SEMA5A: variants seen among roughly 807,000 people sequenced by gnomAD.
SEMA5A encodes semaphorin 5A, also known as semaphorin-5A.
SEMA5A carries 55 observed loss-of-function variants against 135.5 expected under a neutral mutation model. That is an observed-to-expected ratio of 0.41 (90% CI 0.33 to 0.51). The LOEUF is 0.51. Among genes scored for constraint, SEMA5A ranks in the 20% least tolerant of loss-of-function variants. The pLI is 0.37. For missense variants in SEMA5A, 1,290 were observed against 1,419.9 expected (o/e 0.91, Z 1.47); for synonymous variants, 580 against 546.5 (o/e 1.06, Z -0.85).
At chr5:9,121,922 A>T (rs921797876) in intron 14 of SEMA5A, among the ~76,000 whole-genome samples, 1 of 152,076 alleles carries the variant, frequency 6.6e-6, no homozygotes, top group Non-Finnish European at 1.5e-5. Flanking sequence ...TGTCCCAGAG[A>T]CTTTTTTTTT....
chr5:9,429,945 G>A (rs1041740257), intron 2 of SEMA5A, among the ~76,000 whole-genome samples: 1 of 152,252 alleles, frequency 6.6e-6, no homozygotes, highest in Non-Finnish European at 1.5e-5. Context: ...TGGTCACTGT[G>A]TGGAGAAAAG....
intron 8 of SEMA5A, among the ~76,000 whole-genome samples, chr5:9,207,177 T>C (rs1403498450): frequency 3.5e-5 from 5 of 143,088 alleles, no homozygotes; most frequent in Non-Finnish European, 7.5e-5. Flanking sequence ...AAATAAGTCA[T>C]ACTGAGTTTT....
At chr5:9,510,773 A>G (rs957307264) in intron 1 of SEMA5A, among the ~76,000 whole-genome samples, 1 of 152,222 alleles carries the variant, frequency 6.6e-6, no homozygotes, top group Non-Finnish European at 1.5e-5. Flanking sequence ...TTACCTCCCA[A>G]TTAGAATTTC....
chr5:9,227,639 C>T (rs1178798468), intron 6 of SEMA5A, among the ~76,000 whole-genome samples: 2 of 150,950 alleles, frequency 1.3e-5, no homozygotes, highest in African/African-American at 4.9e-5. Flanking sequence ...CAAGCTCTGC[C>T]TCCCAGGTTC....
At chr5:9,453,296 C>A (rs150681381) in intron 1 of SEMA5A, among the ~76,000 whole-genome samples, 84 of 152,306 alleles carry the variant, frequency 5.5e-4, no homozygotes, top group African/African-American at 1.9e-3. Context: ...AGTCTCCTGA[C>A]AACAGGCATT....
chr5:9,044,329 TA>T (rs1198607118), intron 22 of SEMA5A, 43 bp downstream of exon 22: 1 of 1,524,140 alleles, frequency 6.6e-7, no homozygotes, highest in South Asian at 1.1e-5. Flanking sequence ...CTACAAGTGT[TA>T]AGGAAAACCA....
At chr5:9,205,504 A>T (rs1745965825) in intron 8 of SEMA5A, among the ~76,000 whole-genome samples, 1 of 152,132 alleles carries the variant, frequency 6.6e-6, no homozygotes, top group African/African-American at 2.4e-5. Context: ...AGCAAACCAC[A>T]TCCACTTTTG....
intron 3 of SEMA5A, among the ~76,000 whole-genome samples, chr5:9,349,858 C>T (rs1365056504): frequency 4.0e-5 from 6 of 151,884 alleles, no homozygotes; most frequent in South Asian, 2.1e-4. Flanking sequence ...GCCGAGATTG[C>T]GCCACTGCAC....
chr5:9,206,271 G>GT (rs1479487053), intron 8 of SEMA5A, among the ~76,000 whole-genome samples: 1 of 152,090 alleles, frequency 6.6e-6, no homozygotes, highest in Non-Finnish European at 1.5e-5. Context: ...TGGAGAAACT[G>GT]TTTTTTCTAA....
chr5:9,439,239 T>C (rs150379907), intron 1 of SEMA5A, among the ~76,000 whole-genome samples: 3 of 152,298 alleles, frequency 2.0e-5, no homozygotes, highest in African/African-American at 4.8e-5. Flanking sequence ...GTCTCAGAAA[T>C]ATTCCTCAGA....
chr5:9,258,900 T>TGA (rs1415761046), intron 5 of SEMA5A, among the ~76,000 whole-genome samples: 1 of 136,960 alleles, frequency 7.3e-6, no homozygotes, highest in African/African-American at 2.7e-5. Flanking sequence ...CTGGAACCTC[T>TGA]GCCTCCTGGG....
At chr5:9,286,025 CA>C (rs1750777662) in intron 5 of SEMA5A, among the ~76,000 whole-genome samples, 1 of 152,066 alleles carries the variant, frequency 6.6e-6, no homozygotes, top group Admixed American at 6.5e-5. Context: ...TACATAGGTA[CA>C]ACTATAATAT....
At chr5:9,335,421 G>A (rs1753345654) in intron 4 of SEMA5A, among the ~76,000 whole-genome samples, 1 of 152,176 alleles carries the variant, frequency 6.6e-6, no homozygotes, top group African/African-American at 2.4e-5. Flanking sequence ...CATCCCTTAG[G>A]AAAATCTTGA....
chr5:9,324,923 T>A (rs957628032), intron 4 of SEMA5A, among the ~76,000 whole-genome samples: 5 of 152,212 alleles, frequency 3.3e-5, no homozygotes, highest in Non-Finnish European at 5.9e-5. Flanking sequence ...AGGGTCAGTC[T>A]CCCTAACAGG....
chr5:9,060,434 A>G lies in SEMA5A; in HGVS notation c.2518+2453T>C, dbSNP rs1737122236. On this transcript the variant is annotated intron_variant, in intron 18 of 22. Coordinates refer to ENST00000382496, the MANE Select transcript of SEMA5A (RefSeq NM_003966.3). ...AGGATAGGGTCTGGAGCCCAGGGAGACAAGGGTGGGTGGAGGGACCCTGAC... is the reference window on the plus strand; with the variant it reads ...AGGATAGGGTCTGGAGCCCAGGGAGGCAAGGGTGGGTGGAGGGACCCTGAC... Among the ~76,000 whole-genome samples, 2 of 152,114 alleles carry G rather than the reference A, an allele frequency of 1.3e-5. 1 individual carries two copies. Among genetic ancestry groups the G allele is most frequent in the South Asian group, 4.1e-4 (2 of 4,826 alleles).
intron 5 of SEMA5A, among the ~76,000 whole-genome samples, chr5:9,305,728 T>TATGTATATATATATATATATA (rs1287444762): frequency 7.6e-4 from 72 of 94,990 alleles, no homozygotes; most frequent in African/African-American, 2.7e-3. Flanking sequence ...ATATATATAT[T>TATGTATATATATATATATATA]TACACGCACA....
chr5:9,123,895 T>A (rs1740964719), intron 13 of SEMA5A, among the ~76,000 whole-genome samples: 1 of 152,114 alleles, frequency 6.6e-6, no homozygotes, highest in Admixed American at 6.5e-5. Flanking sequence ...GAACAGGGGC[T>A]ATCGGAGCAG....
chr5:9,436,484 T>C (rs193254535), intron 2 of SEMA5A, among the ~76,000 whole-genome samples: 16 of 152,272 alleles, frequency 1.1e-4, no homozygotes, highest in Admixed American at 4.6e-4. Flanking sequence ...TACACATCTA[T>C]ACAGAGGGCC....
In SEMA5A at chr5:9,072,703, T is replaced by C. The variant is rs188078313; in HGVS notation, c.2074-6057A>G. Among the ~76,000 whole-genome samples, 402 of 152,288 alleles carry C rather than the reference T, an allele frequency of 2.6e-3. 1 individual carries two copies. The highest frequency in any genetic ancestry group is 9.3e-3 in the African/African-American group (388 of 41,564). ...GGCTTTGATCCCAAGTAACTAAGAC[T>C]AAAAGCAAGCACCAAAACCATCAAA... On this transcript the variant is annotated intron_variant, in intron 16 of 22. Coordinates refer to ENST00000382496, the MANE Select transcript of SEMA5A (RefSeq NM_003966.3).
Sources: allele counts gnomAD v4.1 joint callset (sites outside exome capture counted in the v4.1 genomes callset), GRCh38; gene constraint gnomAD v4.1.1; transcripts MANE v1.5; gene names NCBI Gene and HGNC (gene_info 2026-07-23, HGNC 2026-07-21).